TUBA3D: variants seen among roughly 807,000 people sequenced by gnomAD.
The protein encoded by TUBA3D is tubulin alpha 3d.
TUBA3D carries 24 observed loss-of-function variants against 36.1 expected under a neutral mutation model. The ratio of observed to expected loss-of-function variants is 0.66; its 90% confidence interval spans 0.48 to 0.93. The LOEUF is 0.93. Ranked by LOEUF, TUBA3D falls within the 40% of genes least tolerant of loss-of-function variation. The pLI is 0.00. For synonymous variants in TUBA3D, 185 were observed against 247.2 expected (o/e 0.75, Z 2.36); for missense variants, 356 against 614.5 (o/e 0.58, Z 4.45).
chr2:131,476,232 A>G (rs1454744648), intron 1 of TUBA3D, 30 bp downstream of exon 1: 1 of 1,613,858 alleles, frequency 6.2e-7, no homozygotes, highest in Non-Finnish European at 8.5e-7. Flanking sequence ...CGCCCCGCAG[A>G]TGCCCAGGCA....
At position 131,480,642 on chromosome 2, in the gene TUBA3D, A is replaced by T. The variant is rs192337228; in HGVS notation, c.949A>T (p.Met317Leu). 272 of 1,613,806 alleles carry T rather than the reference A, an allele frequency of 1.7e-4. 2 individuals carry two copies. The East Asian group carries it at 4.6e-3, about 27-fold the overall frequency. ...CCACGGCAAGTACATGGCCTGCTGCATGTTGTACAGGGGGGACGTGGTCCC... is the reference window on the plus strand; with the variant it reads ...CCACGGCAAGTACATGGCCTGCTGCTTGTTGTACAGGGGGGACGTGGTCCC... ...PRHGKYMACC[M>L]LYRGDVVPKD... The change falls in exon 4 of 5, where the codon ATG becomes TTG. Residue 317 changes from methionine to leucine, a missense_variant. By Grantham distance (15) the Met-to-Leu change is conservative (BLOSUM62 2). Transcript: ENST00000321253.
intron 4 of TUBA3D, among the ~76,000 whole-genome samples, chr2:131,481,006 C>T (rs1280895027): frequency 6.6e-6 from 1 of 151,704 alleles, no homozygotes; most frequent in Non-Finnish European, 1.5e-5. Flanking sequence ...CGGGTTCAAA[C>T]AATTCTCTGG....
chr2:131,482,065 C>T (rs1351465845), intron 4 of TUBA3D, among the ~76,000 whole-genome samples: 1 of 152,230 alleles, frequency 6.6e-6, no homozygotes, highest in Non-Finnish European at 1.5e-5. Flanking sequence ...GTGGTAGCAG[C>T]ATTCATATGA....
At position 131,476,181 on chromosome 2, in the gene TUBA3D, T is replaced by TA; in HGVS notation, c.-19_-18insA. Reference sequence around the variant, plus strand: ...TTGAGGTCTGGCAGTAGCGTTGGGCTGAAGCAGCGGAGTTCGCCATGGTAA... The same window carrying TA: ...TTGAGGTCTGGCAGTAGCGTTGGGCTAGAAGCAGCGGAGTTCGCCATGGTAA... On this transcript the variant is annotated 5_prime_UTR_variant, in exon 1 of 5. Coordinates refer to ENST00000321253, the MANE Select transcript of TUBA3D (RefSeq NM_080386.4). 5.6e-6 allele frequency: 9 copies of TA among 1,613,914 alleles called. No homozygotes were observed. Among genetic ancestry groups the TA allele is most frequent in the Non-Finnish European group, 7.6e-6 (9 of 1,179,982 alleles).
At position 131,482,591 on chromosome 2, in the gene TUBA3D, G is replaced by A; in HGVS notation, c.1096G>A (p.Gly366Arg). The A allele has an allele frequency of 1.2e-6, 2 of 1,613,380 alleles. No homozygotes were observed. The highest frequency in any genetic ancestry group is 1.3e-5 in the African/African-American group (1 of 75,030). The change falls in exon 5 of 5, where the codon GGA becomes AGA. Residue 366 changes from glycine to arginine, a missense_variant. Around this residue, in one of 3 missense-constraint regions of TUBA3D, gnomAD observed 156 missense variants for 219.8 expected, o/e 0.71. Coordinates refer to ENST00000321253, the MANE Select transcript of TUBA3D (RefSeq NM_080386.4). ...CCAGCCCCCCACAGTGGTCCCCGGGGGAGACCTGGCCAAGGTGCAGCGGGC... is the reference window on the plus strand; with the variant it reads ...CCAGCCCCCCACAGTGGTCCCCGGGAGAGACCTGGCCAAGGTGCAGCGGGC... ...NYQPPTVVPG[G>R]DLAKVQRAVC...
In TUBA3D at chr2:131,478,223, G is replaced by C. The variant is rs1312956944; in HGVS notation, c.63G>C (p.Trp21Cys). The change falls in exon 2 of 5, where the codon TGG becomes TGC. Residue 21 changes from tryptophan to cysteine, a missense_variant. By Grantham distance (215) the Trp-to-Cys change is radical (BLOSUM62 -2). This residue lies in a region of TUBA3D where 109 missense variants were observed against 153.7 expected (regional missense o/e 0.71). Coordinates refer to ENST00000321253, the MANE Select transcript of TUBA3D (RefSeq NM_080386.4). ...QAGVQIGNAC[W>C]ELYCLEHGIQ... ...GTGTCCAGATCGGCAATGCCTGCTG[G>C]GAACTGTACTGCCTTGAACATGGAA... The C allele has an allele frequency of 8.1e-6, 13 of 1,613,982 alleles. No homozygotes were observed. The Admixed American group carries it at 2.0e-4, about 25-fold the overall frequency.
Position 131,479,601 on chromosome 2 carries a change from A to G in TUBA3D, c.375+145A>G, listed in dbSNP as rs532039936. 29 of 1,475,028 alleles carry G rather than the reference A, an allele frequency of 2.0e-5. No homozygotes were observed. The South Asian group carries it at 3.8e-4, about 19-fold the overall frequency. The allele number at this position is 1,475,028 out of a possible 1,614,324, so 91.4% of individuals were successfully genotyped here. On this transcript the variant is annotated intron_variant, in intron 3 of 4. Coordinates refer to ENST00000321253, the MANE Select transcript of TUBA3D (RefSeq NM_080386.4). ...ACACATGTAATCCCAGCACTTTGGG[A>G]GGCTAAAGCGGGTGGATTACCTGAG...
chr2:131,476,128 T>C lies in TUBA3D; in HGVS notation c.-72T>C. The stretch of plus-strand genomic sequence containing the variant: ...GGCGCGCACAGGCAGGAGGTTGCAG[T>C]TGGGCGCTCAGCAGCTGTGGCAGCC... On this transcript the variant is annotated 5_prime_UTR_variant, in exon 1 of 5. Coordinates refer to ENST00000321253, the MANE Select transcript of TUBA3D (RefSeq NM_080386.4). The C allele has an allele frequency of 1.2e-6, 2 of 1,611,784 alleles. No individual in the cohort carries two copies. The highest frequency in any genetic ancestry group is 1.7e-6 in the Non-Finnish European group (2 of 1,179,316).
At position 131,480,581 on chromosome 2, in the gene TUBA3D, C is replaced by T. The variant is rs532066293; in HGVS notation, c.888C>T (p.Phe296=). ...TGGCCGAGATCACCAATGCCTGCTT[C>T]GAGCCAGCCAATCAAATGGTCAAGT... The part of the protein sequence containing the change: ...LSVAEITNAC[F]EPANQMVKCD... The change falls in exon 4 of 5, where the codon TTC becomes TTT. Residue 296 remains phenylalanine (F), a synonymous_variant. Transcript: ENST00000321253. The T allele has an allele frequency of 1.9e-5, 31 of 1,611,594 alleles. No homozygotes were observed. The highest frequency in any genetic ancestry group is 3.3e-4 in the Middle Eastern group (2 of 6,048).
rs767332287 is a variant in TUBA3D, at chr2:131,478,208, C to G, written c.48C>G (p.Ile16Met). The change falls in exon 2 of 5, where the codon ATC (isoleucine) becomes ATG (methionine). Residue 16 changes from isoleucine to methionine, a missense_variant. By Grantham distance (10) the Ile-to-Met change is conservative. Coordinates refer to ENST00000321253, the MANE Select transcript of TUBA3D (RefSeq NM_080386.4). ...SIHVGQAGVQ[I>M]GNACWELYCL... is the part of the protein sequence containing the mutation. ...ACGTGGGGCAGGCGGGTGTCCAGAT[C>G]GGCAATGCCTGCTGGGAACTGTACT... 4.3e-6 allele frequency: 7 copies of G among 1,614,070 alleles called. No individual in the cohort carries two copies. Among genetic ancestry groups the G allele is most frequent in the South Asian group, 2.2e-5 (2 of 91,078 alleles).
chr2:131,482,844 A>G lies in TUBA3D; in HGVS notation c.1349A>G (p.Tyr450Cys), dbSNP rs1387988256. Residue 450 changes from tyrosine (Y) to cysteine (C), a missense_variant, in exon 5 of 5, where the codon TAC (tyrosine) becomes TGC (cysteine). By Grantham distance (194) the Tyr-to-Cys change is radical (BLOSUM62 -2). This residue lies in a region of TUBA3D where 156 missense variants were observed against 219.8 expected (regional missense o/e 0.71). Coordinates refer to ENST00000321253, the MANE Select transcript of TUBA3D (RefSeq NM_080386.4). ...VEAEAEEGEE[Y>C] ...GCTGAGGCTGAAGAAGGCGAAGAATACTGAGGGGAGGGTGTGGTGGGTTCT... is the reference window on the plus strand; with the variant it reads ...GCTGAGGCTGAAGAAGGCGAAGAATGCTGAGGGGAGGGTGTGGTGGGTTCT... 4 of 1,613,066 alleles carry G rather than the reference A, an allele frequency of 2.5e-6. No individual in the cohort carries two copies. The highest frequency in any genetic ancestry group is 3.4e-6 in the Non-Finnish European group (4 of 1,179,358).
In TUBA3D at chr2:131,479,323, G is replaced by C; in HGVS notation, c.242G>C (p.Gly81Ala). 1 of 1,613,938 alleles carries C rather than the reference G, an allele frequency of 6.2e-7. No individual in the cohort carries two copies. The highest frequency in any genetic ancestry group is 8.5e-7 in the Non-Finnish European group (1 of 1,179,908). Residue 81 changes from glycine (G) to alanine (A), a missense_variant, in exon 3 of 5, where the codon GGG becomes GCG. Around this residue, in one of 3 missense-constraint regions of TUBA3D, gnomAD observed 109 missense variants for 153.7 expected, o/e 0.71. Transcript: ENST00000321253. ...TCTTTTGCAGATGAAGTGCGCACAG[G>C]GACCTACAGGCAGCTCTTCCACCCG... is the stretch of plus-strand genomic sequence containing the variant. ...EPTVVDEVRT[G>A]TYRQLFHPEQ...
At position 131,480,635 on chromosome 2, in the gene TUBA3D, C is replaced by G. The variant is rs1482601376; in HGVS notation, c.942C>G (p.Ala314=). 1 of 1,613,782 alleles carries G rather than the reference C, an allele frequency of 6.2e-7. No homozygotes were observed. Among genetic ancestry groups the G allele is most frequent in the South Asian group, 1.1e-5 (1 of 91,076 alleles). The change falls in exon 4 of 5, where the codon GCC becomes GCG. Residue 314 remains alanine, a synonymous_variant. Transcript: ENST00000321253. ...KCDPRHGKYM[A]CCMLYRGDVV... is the part of the protein sequence containing the mutation. ...ACCCTCGCCACGGCAAGTACATGGC[C>G]TGCTGCATGTTGTACAGGGGGGACG...
intron 4 of TUBA3D, among the ~76,000 whole-genome samples, 171 bp downstream of exon 4, chr2:131,480,920 T>A (rs1250126334): frequency 6.6e-6 from 1 of 152,012 alleles, no homozygotes; most frequent in Non-Finnish European, 1.5e-5. Flanking sequence ...CTTTTTTTTT[T>A]TTTGAGACAG....
intron 2 of TUBA3D, 62 bp downstream of exon 2, chr2:131,478,448 C>G: frequency 1.4e-6 from 2 of 1,449,892 alleles, no homozygotes; most frequent in South Asian, 2.7e-5. Context: ...TGGTAAAGCC[C>G]CGTGTGGGCT....
At chr2:131,477,027 CTTTT>C (rs1167783157) in intron 1 of TUBA3D, among the ~76,000 whole-genome samples, 7 of 128,794 alleles carry the variant, frequency 5.4e-5, no homozygotes, top group African/African-American at 1.5e-4. Context: ...TTTTTCCTTT[CTTTT>C]TCTTTCTTTT....
At chr2:131,479,782 A>C (rs879211479) in intron 3 of TUBA3D, among the ~76,000 whole-genome samples, 1 of 152,078 alleles carries the variant, frequency 6.6e-6, no homozygotes, top group Non-Finnish European at 1.5e-5. Context: ...GGAGGTTGCA[A>C]TGAGCTGAGA....
chr2:131,480,843 C>G, intron 4 of TUBA3D, 94 bp downstream of exon 4: 1 of 1,518,936 alleles, frequency 6.6e-7, no homozygotes, highest in South Asian at 1.3e-5. Flanking sequence ...GAGATTATCC[C>G]TGTTCCATGG....
At chr2:131,476,770 C>T (rs918203953) in intron 1 of TUBA3D, among the ~76,000 whole-genome samples, 4 of 151,790 alleles carry the variant, frequency 2.6e-5, no homozygotes, top group African/African-American at 9.7e-5. Context: ...CCAGTCTCTA[C>T]AAAAAAATAC....
Sources: gnomAD v4.1 joint callset for allele counts (sites outside exome capture counted in the v4.1 genomes callset) on GRCh38, gnomAD v4.1.1 for gene constraint, gnomAD v4.1.1 regional missense constraint, MANE v1.5 for transcripts, NCBI Gene and HGNC (gene_info 2026-07-23, HGNC 2026-07-21) for gene names.